CNTNAP2: variants seen among roughly 807,000 people sequenced by gnomAD.
The protein encoded by CNTNAP2 is contactin-associated protein-like 2.
In CNTNAP2, 98 loss-of-function variants were observed where a neutral mutation model predicts 155.2. The ratio of observed to expected loss-of-function variants is 0.63; its 90% CI spans 0.54 to 0.75. The LOEUF is 0.75. Among genes scored for constraint, CNTNAP2 ranks in the 30% least tolerant of loss-of-function variants. The pLI, the probability that CNTNAP2 is intolerant of heterozygous loss-of-function variation, is 0.00. For missense variants in CNTNAP2, 1,727 were observed against 1,688.1 expected (o/e 1.02, Z -0.40); for synonymous variants, 651 against 631.2 (o/e 1.03, Z -0.47).
intron 9 of CNTNAP2, among the ~76,000 whole-genome samples, chr7:147,395,394 C>G (rs750633433): frequency 3.9e-5 from 6 of 151,994 alleles, no homozygotes; most frequent in Non-Finnish European, 7.4e-5. Flanking sequence ...AAACATTTAC[C>G]TGGTAACCCA....
At chr7:147,288,338 T>C (rs1805228503) in intron 8 of CNTNAP2, among the ~76,000 whole-genome samples, 1 of 152,192 alleles carries the variant, frequency 6.6e-6, no homozygotes, top group Non-Finnish European at 1.5e-5. Flanking sequence ...TTTACTCTTA[T>C]ACCCCTGGCA....
rs138772162 is a variant in CNTNAP2, at chr7:147,470,648, C to T, written c.1671-15287C>T. Reference sequence around the variant, plus strand: ...GATTAGATGAAGGATGTGAGGAGTCCAAGATCATTTCTGCCTGAAAAGCCA... The same window carrying T: ...GATTAGATGAAGGATGTGAGGAGTCTAAGATCATTTCTGCCTGAAAAGCCA... On this transcript the variant is annotated intron_variant, in intron 10 of 23. Transcript: ENST00000361727. Among the ~76,000 whole-genome samples, 145 of 152,118 alleles carry T rather than the reference C, an allele frequency of 9.5e-4. 1 individual carries two copies. The highest frequency in any genetic ancestry group is 3.3e-3 in the African/African-American group (137 of 41,484).
At chr7:148,179,426 G>A (rs1794996809) in intron 18 of CNTNAP2, among the ~76,000 whole-genome samples, 1 of 152,032 alleles carries the variant, frequency 6.6e-6, no homozygotes, top group South Asian at 2.1e-4. Context: ...AGGATTGCTT[G>A]AGCTCAGGAG....
At chr7:146,374,645 G>A (rs1455943995) in intron 1 of CNTNAP2, among the ~76,000 whole-genome samples, 1 of 152,148 alleles carries the variant, frequency 6.6e-6, no homozygotes, top group Non-Finnish European at 1.5e-5. Flanking sequence ...GCTCATCAGA[G>A]TCAGAGGGGA....
At chr7:147,929,262 A>G (rs1481588005) in intron 14 of CNTNAP2, among the ~76,000 whole-genome samples, 3 of 152,136 alleles carry the variant, frequency 2.0e-5, no homozygotes, top group Admixed American at 2.0e-4. Context: ...AGAATTTTAG[A>G]AAGGGATAGA....
chr7:148,286,616 T>C (rs575402848), intron 21 of CNTNAP2, among the ~76,000 whole-genome samples: 61 of 152,316 alleles, frequency 4.0e-4, no homozygotes, highest in Non-Finnish European at 7.4e-4. Context: ...ATCTTTTTGT[T>C]ATTTCTTAAC....
At chr7:146,395,803 A>AGAT (rs1424641764) in intron 1 of CNTNAP2, among the ~76,000 whole-genome samples, 7 of 140,388 alleles carry the variant, frequency 5.0e-5, no homozygotes, top group African/African-American at 2.2e-4. Context: ...ATAGATAGAT[A>AGAT]GATAGATAGA....
chr7:147,795,807 T>C (rs1003946225), intron 13 of CNTNAP2, among the ~76,000 whole-genome samples: 2 of 152,284 alleles, frequency 1.3e-5, no homozygotes, highest in African/African-American at 4.8e-5. Flanking sequence ...TTCTGACATA[T>C]AAAATGAGAG....
intron 4 of CNTNAP2, chr7:147,082,839 G>T (rs921370582): frequency 2.0e-5 from 3 of 152,142 alleles, no homozygotes; most frequent in Non-Finnish European, 4.4e-5. Flanking sequence ...TGCTTTGGGA[G>T]CCATTTGGGA....
In CNTNAP2 at chr7:148,110,106, C is replaced by T. The variant is rs563534466; in HGVS notation, c.2384-8012C>T. Among the ~76,000 whole-genome samples the T allele has an allele frequency of 1.6e-4, 24 of 152,144 alleles. No homozygotes were observed. The South Asian group carries it at 3.7e-3, about 24-fold the overall frequency. The stretch of plus-strand genomic sequence containing the variant: ...TCCAGAAAAGGCCTAGGCAAACTCT[C>T]GGTGGGCTTTTGTTACATCCTAACC... On this transcript the variant is annotated intron_variant, in intron 15 of 23. Transcript: ENST00000361727.
At chr7:146,775,706 G>A (rs1271857337) in intron 2 of CNTNAP2, among the ~76,000 whole-genome samples, 2 of 151,662 alleles carry the variant, frequency 1.3e-5, no homozygotes, top group East Asian at 3.9e-4. Flanking sequence ...AAAAAATATT[G>A]TATCAGAAAA....
intron 18 of CNTNAP2, among the ~76,000 whole-genome samples, chr7:148,200,520 GAGTAGC>G (rs1209633707): frequency 2.0e-5 from 3 of 151,450 alleles, no homozygotes; most frequent in African/African-American, 7.3e-5. Context: ...CTAGCCTCCT[GAGTAGC>G]AGGGATTACA....
rs79979092 is a variant in CNTNAP2 at position 147,264,244 on chromosome 7, T to C, written c.1349-35897T>C. 4.1e-3 allele frequency among the ~76,000 whole-genome samples: 623 copies of C among 152,308 alleles called. 6 individuals are homozygous for C. Among genetic ancestry groups the C allele is most frequent in the African/African-American group, 0.013 (528 of 41,578 alleles). On this transcript the variant is annotated intron_variant, in intron 8 of 23. Transcript: ENST00000361727. ...CAACTCTTGGTTTAATGTTGTGATA[T>C]GAGTCTCTCAAGAGAGGACAGCAAT...
Position 148,365,408 on chromosome 7 carries a change from T to C in CNTNAP2, c.3476-18241T>C, listed in dbSNP as rs1798718193. ...GGCTGGGCGTGGTGGCTCATGCCTG[T>C]AATCCCAGCACTTTGGGAGACCAAG... is the stretch of plus-strand genomic sequence containing the variant. On this transcript the variant is annotated intron_variant, in intron 21 of 23. Coordinates refer to ENST00000361727, the MANE Select transcript of CNTNAP2 (RefSeq NM_014141.6). Among the ~76,000 whole-genome samples the C allele has an allele frequency of 2.6e-5, 4 of 152,156 alleles. No homozygotes were observed. The South Asian group carries it at 8.3e-4, about 32-fold the overall frequency.
intron 16 of CNTNAP2, among the ~76,000 whole-genome samples, chr7:148,135,421 C>T (rs978450315): frequency 1.3e-5 from 2 of 152,212 alleles, no homozygotes; most frequent in Non-Finnish European, 2.9e-5. Context: ...TTCTGATCCA[C>T]TGGCTTCTGG....
chr7:148,162,304 G>A (rs1052606488), intron 17 of CNTNAP2, among the ~76,000 whole-genome samples: 1 of 152,168 alleles, frequency 6.6e-6, no homozygotes, highest in South Asian at 2.1e-4. Context: ...AAGAGTTCTA[G>A]GCTGATATAT....
intron 3 of CNTNAP2, among the ~76,000 whole-genome samples, chr7:146,871,173 A>C (rs1585131062): frequency 6.6e-6 from 1 of 152,322 alleles, no homozygotes; most frequent in African/African-American, 2.4e-5. Flanking sequence ...TGAAAATATC[A>C]GAAATATTAA....
intron 13 of CNTNAP2, among the ~76,000 whole-genome samples, chr7:147,853,228 G>A (rs959223742): frequency 6.6e-6 from 1 of 152,168 alleles, no homozygotes; most frequent in African/African-American, 2.4e-5. Context: ...AATTGGGGAG[G>A]AGACAAGTCT....
At chr7:146,549,444 T>C (rs1188862150) in intron 1 of CNTNAP2, among the ~76,000 whole-genome samples, 3 of 152,030 alleles carry the variant, frequency 2.0e-5, no homozygotes, top group Admixed American at 6.6e-5. Context: ...TGCTTTTATA[T>C]CTTAAAAGTT....
Sources: allele counts gnomAD v4.1 joint callset (sites outside exome capture counted in the v4.1 genomes callset), GRCh38; gene constraint gnomAD v4.1.1; transcripts MANE v1.5; gene names NCBI Gene and HGNC (gene_info 2026-07-23, HGNC 2026-07-21).